Variants in ADAMTS18 observed in about 807,000 individuals in gnomAD.
The protein encoded by ADAMTS18 is A disintegrin and metalloproteinase with thrombospondin motifs 18.
In ADAMTS18, 157 loss-of-function variants were observed where a neutral mutation model predicts 165.9. That is an observed-to-expected ratio of 0.95 (90% CI 0.83 to 1.08). The LOEUF (loss-of-function observed/expected upper bound fraction) is 1.08, where lower values mean the gene tolerates loss of function less well. Ranked by LOEUF, ADAMTS18 falls within the 50% of genes least tolerant of loss-of-function variation. The pLI is 0.00. For synonymous variants in ADAMTS18, 782 were observed against 578.2 expected (o/e 1.35, Z -5.06); for missense variants, 2,040 against 1,534.0 (o/e 1.33, Z -5.51).
At chr16:77,345,179 G>A (rs903187175) in intron 10 of ADAMTS18, among the ~76,000 whole-genome samples, 1 of 152,118 alleles carries the variant, frequency 6.6e-6, no homozygotes. Flanking sequence ...ACCCCTTCAA[G>A]TAAAACCTGA....
At position 77,282,960 on chromosome 16, in the gene ADAMTS18, T is replaced by G. The variant is rs1266395384; in HGVS notation, c.*996A>C. On this transcript the variant is annotated 3_prime_UTR_variant, in exon 23 of 23. Transcript: ENST00000282849. ...CTCAATCCTAGGGCAAATTTAAACG[T>G]ATCAGTTGGTAGGAAAAAGCCACAA... The G allele has an allele frequency of 7.3e-6, 1 of 137,106 alleles. No individual in the cohort carries two copies. Among genetic ancestry groups the G allele is most frequent in the African/African-American group, 2.7e-5 (1 of 37,668 alleles). The allele number at this position is 137,106 out of a possible 1,614,324, so 8.5% of individuals were successfully genotyped here. A position where few individuals can be genotyped will look rare whatever the true frequency, so the allele number is the denominator to read the frequency against.
chr16:77,332,495 C>T (rs1418721316), intron 12 of ADAMTS18, among the ~76,000 whole-genome samples: 3 of 152,194 alleles, frequency 2.0e-5, no homozygotes, highest in African/African-American at 4.8e-5. Context: ...CTCCTCCAAC[C>T]TTCCAAGGTT....
chr16:77,382,341 G>A (rs2057043712), intron 3 of ADAMTS18, among the ~76,000 whole-genome samples: 1 of 152,150 alleles, frequency 6.6e-6, no homozygotes, highest in African/African-American at 2.4e-5. Context: ...CTCCTGAGTA[G>A]CTGGGACTAC....
rs1012114208 is a variant in ADAMTS18, at chr16:77,316,732, C to A, written c.2532+3117G>T. The stretch of plus-strand genomic sequence containing the variant: ...CCACCCAGGCTGGAGTGCAGTGGTG[C>A]GATCTCGGCTTATTGCAGCCTCTGC... On this transcript the variant is annotated intron_variant, in intron 16 of 22. Transcript: ENST00000282849. Among the ~76,000 whole-genome samples, 3 of 152,126 alleles carry A rather than the reference C, an allele frequency of 2.0e-5. No homozygotes were observed. The South Asian group carries it at 6.2e-4, about 32-fold the overall frequency.
chr16:77,325,776 CTT>C, intron 13 of ADAMTS18, 88 bp downstream of exon 13: 1 of 1,360,528 alleles, frequency 7.4e-7, no homozygotes, highest in Non-Finnish European at 1.0e-6. Flanking sequence ...CATTCAAACT[CTT>C]TGATACAAGC....
intron 16 of ADAMTS18, among the ~76,000 whole-genome samples, chr16:77,312,224 A>C (rs771662757): frequency 6.6e-6 from 1 of 152,120 alleles, no homozygotes; most frequent in African/African-American, 2.4e-5. Context: ...TTCCTCAAAA[A>C]AAACTTTTCT....
chr16:77,388,473 C>T (rs571166948), intron 3 of ADAMTS18, among the ~76,000 whole-genome samples: 6 of 152,288 alleles, frequency 3.9e-5, no homozygotes, highest in South Asian at 2.1e-4. Context: ...ATCGTGATCA[C>T]GCCACAGACT....
chr16:77,317,176 A>G (rs554171014), intron 16 of ADAMTS18, among the ~76,000 whole-genome samples: 14 of 152,144 alleles, frequency 9.2e-5, no homozygotes, highest in African/African-American at 3.1e-4. Flanking sequence ...CTTCATTTAT[A>G]TATTCATTTG....
chr16:77,366,954 A>T (rs1181367064), intron 4 of ADAMTS18, among the ~76,000 whole-genome samples: 1 of 152,090 alleles, frequency 6.6e-6, no homozygotes, highest in Non-Finnish European at 1.5e-5. Context: ...CTCGTGTTAC[A>T]TTTCTATTGG....
intron 16 of ADAMTS18, among the ~76,000 whole-genome samples, chr16:77,305,611 A>G (rs530351989): frequency 1.4e-4 from 21 of 152,274 alleles, no homozygotes; most frequent in Non-Finnish European, 2.6e-4. Context: ...CAGTTTTAAG[A>G]CACAATTAAA....
At chr16:77,378,991 C>T (rs912222292) in intron 3 of ADAMTS18, 3 of 152,110 alleles carry the variant, frequency 2.0e-5, no homozygotes, top group African/African-American at 7.2e-5. Context: ...TGAAAAGACA[C>T]ATATTGATGA....
chr16:77,376,315 G>A (rs902673388), intron 3 of ADAMTS18, among the ~76,000 whole-genome samples: 13 of 152,118 alleles, frequency 8.5e-5, no homozygotes, highest in Non-Finnish European at 4.4e-5. Context: ...GAATAGCAAG[G>A]GGGAAATCCA....
rs1597093990 is a variant in ADAMTS18, at chr16:77,300,307, G to C, written c.2630C>G (p.Thr877Ser). ...TPPATKRPAYTWSIVQSECSV... is the reference protein window; with the variant it reads ...TPPATKRPAYSWSIVQSECSV... ...GCACTCTGACTGCACGATACTCCAG[G>C]TATAGGCAGGTCTTTTTGTGGCTGG... Residue 877 changes from threonine to serine, a missense_variant, in exon 17 of 23, where the codon ACC (threonine) becomes AGC (serine). Physicochemically the swap from Thr to Ser is moderately conservative, Grantham distance 58 (BLOSUM62 1). Coordinates refer to ENST00000282849, the MANE Select transcript of ADAMTS18 (RefSeq NM_199355.4). 6.2e-7 allele frequency: 1 copy of C among 1,613,974 alleles called. No homozygotes were observed. Among genetic ancestry groups the C allele is most frequent in the Non-Finnish European group, 8.5e-7 (1 of 1,179,998 alleles).
intron 10 of ADAMTS18, among the ~76,000 whole-genome samples, chr16:77,351,148 G>C (rs1453604510): frequency 6.6e-6 from 1 of 152,180 alleles, no homozygotes; most frequent in African/African-American, 2.4e-5. Context: ...ATGGGTTCAA[G>C]TTATAAGTAG....
At position 77,284,054 on chromosome 16, in the gene ADAMTS18, C is replaced by T. The variant is rs145899353; in HGVS notation, c.3568G>A (p.Asp1190Asn). Residue 1190 changes from aspartate (D) to asparagine (N), a missense_variant, in exon 23 of 23, where the codon GAT (aspartate) becomes AAT (asparagine). Physicochemically the swap from Asp to Asn is conservative, Grantham distance 23. Transcript: ENST00000282849. ...PEKREDPSCV[D>N]FFNWCHLVPQ... ...ACTAGGTGACACCAGTTGAAGAAAT[C>T]TACGCAGGATGGATCCTCTAAAATA... The T allele has an allele frequency of 1.2e-6, 2 of 1,612,564 alleles. No individual in the cohort carries two copies. Among genetic ancestry groups the T allele is most frequent in the African/African-American group, 1.3e-5 (1 of 74,820 alleles).
At chr16:77,290,772 C>G (rs146534187) in intron 21 of ADAMTS18, 127 of 170,064 alleles carry the variant, frequency 7.5e-4, no homozygotes, top group Non-Finnish European at 1.3e-3. Flanking sequence ...GTATCCTTGG[C>G]TGAATTGCCT....
intron 10 of ADAMTS18, among the ~76,000 whole-genome samples, chr16:77,346,522 C>T (rs549499371): frequency 6.6e-6 from 1 of 152,040 alleles, no homozygotes; most frequent in African/African-American, 2.4e-5. Context: ...CTAAAAAAAA[C>T]TGGATAATGA....
At chr16:77,400,635 C>A (rs1354504095) in intron 3 of ADAMTS18, among the ~76,000 whole-genome samples, 1 of 151,912 alleles carries the variant, frequency 6.6e-6, no homozygotes, top group Non-Finnish European at 1.5e-5. Context: ...GCGCCCGTCA[C>A]CGCACCCGGC....
intron 12 of ADAMTS18, among the ~76,000 whole-genome samples, chr16:77,327,920 T>C (rs991225309): frequency 2.0e-5 from 3 of 152,160 alleles, no homozygotes; most frequent in Non-Finnish European, 4.4e-5. Context: ...AATCCAGCTG[T>C]CAGTCATAGA....
Sources: allele counts gnomAD v4.1 joint callset (sites outside exome capture counted in the v4.1 genomes callset), GRCh38; gene constraint gnomAD v4.1.1; transcripts MANE v1.5; gene names NCBI Gene and HGNC (gene_info 2026-07-23, HGNC 2026-07-21).